The following USP45 variants were observed in gnomAD, a reference collection of about 807,000 sequenced individuals.
USP45 encodes the protein ubiquitin carboxyl-terminal hydrolase 45.
A neutral mutation model predicts 95.8 loss-of-function variants in USP45; 89 were observed. The ratio of observed to expected loss-of-function variants is 0.93; its 90% confidence interval spans 0.78 to 1.11. The LOEUF (loss-of-function observed/expected upper bound fraction) is 1.11, where lower values mean the gene tolerates loss of function less well. USP45 is among the 50% of genes least tolerant of loss of function. The pLI is 0.00. For missense variants in USP45, 898 were observed against 942.5 expected (o/e 0.95, Z 0.62); for synonymous variants, 281 against 316.2 (o/e 0.89, Z 1.18).
At position 99,472,193 on chromosome 6, in the gene USP45, T is replaced by G. The variant is rs1420485872; in HGVS notation, c.934-3575A>C. On this transcript the variant is annotated intron_variant, in intron 9 of 17. Coordinates refer to ENST00000500704, the MANE Select transcript of USP45 (RefSeq NM_001346022.3). ...AACCCCAAGACATAATTTTAATCCA[T>G]TCACATGACTTTTAACTTCACTTAC... Among the ~76,000 whole-genome samples, 4 of 151,254 alleles carry G rather than the reference T, an allele frequency of 2.6e-5. No individual in the cohort carries two copies. The East Asian group carries it at 5.8e-4, about 22-fold the overall frequency.
intron 8 of USP45, among the ~76,000 whole-genome samples, chr6:99,478,938 TAA>T (rs1162165335): frequency 4.0e-5 from 6 of 148,290 alleles, no homozygotes; most frequent in Non-Finnish European, 7.4e-5. Flanking sequence ...GGAAGTCAGA[TAA>T]AAAAAGAGTA....
chr6:99,502,057 C>A (rs978055347), intron 5 of USP45: 1 of 1,272,626 alleles, frequency 7.9e-7, no homozygotes, highest in Admixed American at 2.8e-5. Flanking sequence ...GGCCTAGAGA[C>A]TGAGTTAAAT....
At chr6:99,459,337 T>C (rs568868491) in intron 13 of USP45, among the ~76,000 whole-genome samples, 116 of 152,324 alleles carry the variant, frequency 7.6e-4, no homozygotes, top group African/African-American at 2.7e-3. Flanking sequence ...TATGGCTGCA[T>C]AGTATTCCAT....
intron 1 of USP45, among the ~76,000 whole-genome samples, chr6:99,511,998 T>C (rs1377866948): frequency 6.6e-6 from 1 of 151,770 alleles, no homozygotes; most frequent in East Asian, 1.9e-4. Flanking sequence ...AATGTAATCA[T>C]ATCTAAGAAA....
intron 9 of USP45, among the ~76,000 whole-genome samples, chr6:99,473,605 A>T (rs1312232588): frequency 6.6e-6 from 1 of 151,818 alleles, no homozygotes; most frequent in Non-Finnish European, 1.5e-5. Flanking sequence ...AAAGTACAAA[A>T]ATTAGCTGGG....
At chr6:99,480,258 A>C (rs1205645213) in intron 8 of USP45, among the ~76,000 whole-genome samples, 9 of 152,204 alleles carry the variant, frequency 5.9e-5, no homozygotes, top group Non-Finnish European at 1.0e-4. Flanking sequence ...TCAAAGACCT[A>C]GAAAACTGGT....
intron 11 of USP45, among the ~76,000 whole-genome samples, chr6:99,466,385 C>T (rs971477078): frequency 6.6e-6 from 1 of 152,188 alleles, no homozygotes; most frequent in Admixed American, 6.6e-5. Context: ...TTTTCTCTCA[C>T]TTCAAACAGA....
At chr6:99,506,608 A>G (rs1302754039) in intron 4 of USP45, among the ~76,000 whole-genome samples, 2 of 152,078 alleles carry the variant, frequency 1.3e-5, no homozygotes, top group Admixed American at 1.3e-4. Flanking sequence ...CACGCCCCAC[A>G]AAAAACTTGT....
Position 99,476,243 on chromosome 6 carries a change from A to C in USP45, c.846-13T>G. 1 of 1,610,858 alleles carries C rather than the reference A, an allele frequency of 6.2e-7. No homozygotes were observed. On this transcript the variant is annotated splice_polypyrimidine_tract_variant and intron_variant, in intron 8 of 17. Coordinates refer to ENST00000500704, the MANE Select transcript of USP45 (RefSeq NM_001346022.3). ...AAATCGAGGTGCCCTGTGATTTAAA[A>C]ACAAAAGAGGAAAGAAAAAAAGAAT...
chr6:99,510,163 G>C lies in USP45; in HGVS notation c.58C>G (p.Pro20Ala). ...LPEKAKRSKR[P>A]TVPHDEDSSD... ...GAGTCTTCATCATGAGGTACAGTAG[G>C]CCTTTTACTTCTTTTGGCTTTCTCA... Residue 20 changes from proline (P) to alanine (A), a missense_variant, in exon 2 of 18, where the codon CCT (proline) becomes GCT (alanine). By Grantham distance (27) the Pro-to-Ala change is conservative. Coordinates refer to ENST00000500704, the MANE Select transcript of USP45 (RefSeq NM_001346022.3). 1 of 1,613,854 alleles carries C rather than the reference G, an allele frequency of 6.2e-7. No individual in the cohort carries two copies. The highest frequency in any genetic ancestry group is 1.1e-5 in the South Asian group (1 of 91,044).
rs140376085 is a variant in USP45 at position 99,438,571 on chromosome 6, T to C, written c.2161-1172A>G. On this transcript the variant is annotated intron_variant, in intron 16 of 17. Coordinates refer to ENST00000500704, the MANE Select transcript of USP45 (RefSeq NM_001346022.3). ...AATTAAAAATTGCACAAATGAACAA[T>C]AGATCCAGTCCTTATCTGGATAATA... Among the ~76,000 whole-genome samples, 478 of 152,262 alleles carry C rather than the reference T, an allele frequency of 3.1e-3. 2 individuals carry two copies. Among genetic ancestry groups the C allele is most frequent in the African/African-American group, 0.01 (425 of 41,560 alleles).
At chr6:99,453,030 G>A (rs1418484494) in intron 13 of USP45, among the ~76,000 whole-genome samples, 14 of 152,106 alleles carry the variant, frequency 9.2e-5, no homozygotes, top group Non-Finnish European at 1.9e-4. Flanking sequence ...CCTGTTGTGG[G>A]GTGGCGGGAG....
intron 2 of USP45, among the ~76,000 whole-genome samples, chr6:99,509,867 G>A (rs1422939220): frequency 6.6e-6 from 1 of 152,084 alleles, no homozygotes; most frequent in Non-Finnish European, 1.5e-5. Flanking sequence ...TTGGTTCTAG[G>A]ACCTCCCCAC....
chr6:99,480,083 T>C (rs1791990187), intron 8 of USP45, among the ~76,000 whole-genome samples: 1 of 152,146 alleles, frequency 6.6e-6, no homozygotes, highest in Non-Finnish European at 1.5e-5. Context: ...CATACAAAAA[T>C]CAACTGTATT....
intron 5 of USP45, among the ~76,000 whole-genome samples, chr6:99,489,659 A>G (rs1483161060): frequency 6.6e-6 from 1 of 152,222 alleles, no homozygotes; most frequent in Non-Finnish European, 1.5e-5. Context: ...TTTGAAAATT[A>G]TATTAGGCTG....
At chr6:99,504,497 T>G (rs764002683) in intron 4 of USP45, among the ~76,000 whole-genome samples, 1 of 152,106 alleles carries the variant, frequency 6.6e-6, no homozygotes, top group Non-Finnish European at 1.5e-5. Context: ...ATTGGAGGGA[T>G]TGGAGGGCAT....
intron 1 of USP45, 79 bp from the exon 2 acceptor site, chr6:99,510,309 A>G: frequency 1.0e-6 from 1 of 957,450 alleles, no homozygotes; most frequent in South Asian, 1.7e-5. Context: ...ATGTGTATTA[A>G]AACTGAAATG....
At chr6:99,444,267 G>A (rs1401060186) in intron 14 of USP45, among the ~76,000 whole-genome samples, 1 of 152,064 alleles carries the variant, frequency 6.6e-6, no homozygotes, top group East Asian at 1.9e-4. Flanking sequence ...CTCATGCCTT[G>A]GCCTCCCAAA....
At chr6:99,492,031 GAC>G (rs1795285930) in intron 5 of USP45, among the ~76,000 whole-genome samples, 1 of 152,132 alleles carries the variant, frequency 6.6e-6, no homozygotes, top group African/African-American at 2.4e-5. Flanking sequence ...ATCTTGCAAA[GAC>G]ACATAACATT....
Sources: allele counts gnomAD v4.1 joint callset (sites outside exome capture counted in the v4.1 genomes callset), GRCh38; gene constraint gnomAD v4.1.1; transcripts MANE v1.5; gene names NCBI Gene and HGNC (gene_info 2026-07-23, HGNC 2026-07-21).